Variants in PLEKHA7 observed in about 807,000 individuals in gnomAD.
PLEKHA7 encodes pleckstrin homology domain containing A7.
In PLEKHA7, 104 loss-of-function variants were observed where a neutral mutation model predicts 170.0. The observed-to-expected ratio is 0.61, with a 90% confidence interval of 0.52 to 0.72. PLEKHA7 has a LOEUF of 0.72. Among genes scored for constraint, PLEKHA7 ranks in the 30% least tolerant of loss-of-function variants. The pLI, the probability that PLEKHA7 is intolerant of heterozygous loss-of-function variation, is 0.00. For synonymous variants in PLEKHA7, 648 were observed against 660.8 expected, an observed-to-expected ratio of 0.98 and a Z score of 0.30; for missense variants, 1,615 against 1,671.7, an observed-to-expected ratio of 0.97 and a Z score of 0.59.
chr11:16,841,825 C>A lies in PLEKHA7; in HGVS notation c.697-103G>T, dbSNP rs1851989912. The A allele has an allele frequency of 2.6e-6, 3 of 1,145,062 alleles. No homozygotes were observed. The South Asian group carries it at 4.9e-5, about 19-fold the overall frequency. The allele number at this position is 1,145,062 out of a possible 1,614,324, so 70.9% of individuals were successfully genotyped here. A position where few individuals can be genotyped will look rare whatever the true frequency, so the allele number is the denominator to read the frequency against. ...CTATGGCCCTTCTAGTCTAAAAGCC[C>A]AAGCACCACCCAACTTGTTTCCACA... On this transcript the variant is annotated intron_variant, in intron 8 of 26. Coordinates refer to ENST00000531066, the MANE Select transcript of PLEKHA7 (RefSeq NM_001329630.2).
rs912560878 is a variant in PLEKHA7 at position 16,777,531 on chromosome 11, T to C, written c.*1467A>G. 8 of 152,174 alleles carry C rather than the reference T, an allele frequency of 5.3e-5. No individual in the cohort carries two copies. The highest frequency in any genetic ancestry group is 1.9e-4 in the African/African-American group (8 of 41,450). The allele number at this position is 152,174 out of a possible 1,614,324, so 9.4% of individuals were successfully genotyped here. A position where few individuals can be genotyped will look rare whatever the true frequency, so the allele number is the denominator to read the frequency against. On this transcript the variant is annotated 3_prime_UTR_variant, in exon 27 of 27. Coordinates refer to ENST00000531066, the MANE Select transcript of PLEKHA7 (RefSeq NM_001329630.2). ...AAAATTCTATTTTTTTTTCTGAGCA[T>C]AGTCAAAGAGAAATTTTCATTTAAA...
intron 3 of PLEKHA7, among the ~76,000 whole-genome samples, chr11:16,922,177 T>C (rs1055816794): frequency 6.6e-6 from 1 of 151,754 alleles, no homozygotes; most frequent in African/African-American, 2.4e-5. Flanking sequence ...ACAAAATACA[T>C]TCTTATTTTC....
Position 16,887,336 on chromosome 11 carries a change from C to G in PLEKHA7, c.222-16154G>C, listed in dbSNP as rs868240435. Among the ~76,000 whole-genome samples, 1,240 of 142,820 alleles carry G rather than the reference C, an allele frequency of 8.7e-3. 4 individuals are homozygous for G. Among genetic ancestry groups the G allele is most frequent in the African/African-American group, 0.016 (580 of 37,372 alleles). The allele number at this position is 142,820 out of a possible 152,430, so 93.7% of individuals were successfully genotyped here. A position where few individuals can be genotyped will look rare whatever the true frequency, so the allele number is the denominator to read the frequency against. The stretch of plus-strand genomic sequence containing the variant: ...CTCCCTCTCCCTCTCCCCACGGTCT[C>G]CCTCTCCCTCTCCCCACGGTCTGCC... On this transcript the variant is annotated intron_variant, in intron 3 of 26. Transcript: ENST00000531066.
intron 3 of PLEKHA7, among the ~76,000 whole-genome samples, chr11:16,891,491 C>A (rs1856609513): frequency 6.6e-6 from 1 of 152,214 alleles, no homozygotes; most frequent in African/African-American, 2.4e-5. Context: ...GAATACATTT[C>A]TGTTGTTTTA....
In PLEKHA7 at chr11:17,014,009, C is replaced by G. The variant is rs1286746100; in HGVS notation, c.201G>C (p.Glu67Asp). The G allele has an allele frequency of 2.2e-5, 34 of 1,547,960 alleles. No individual in the cohort carries two copies. Among genetic ancestry groups the G allele is most frequent in the African/African-American group, 2.7e-5 (2 of 72,732 alleles). Reference protein sequence around the residue: ...PRGWEEGFTEEGASYFIDHNQ... With the variant: ...PRGWEEGFTEDGASYFIDHNQ... ...CTCACTCGATGAAGTAGCTGGCGCC[C>G]TCCTCCGTGAAGCCCTCCTCCCAGC... The change falls in exon 3 of 27, where the codon GAG becomes GAC. Residue 67 changes from glutamate to aspartate, a missense_variant. Glu to Asp is a conservative substitution (Grantham distance 45). Coordinates refer to ENST00000531066, the MANE Select transcript of PLEKHA7 (RefSeq NM_001329630.2).
At chr11:16,822,435 A>G (rs1016460031) in intron 10 of PLEKHA7, among the ~76,000 whole-genome samples, 13 of 145,462 alleles carry the variant, frequency 8.9e-5, no homozygotes, top group Non-Finnish European at 1.5e-4. Flanking sequence ...GAGGTTCTGG[A>G]CTTTCCTTCA....
At chr11:16,841,258 T>C (rs1851934333) in intron 9 of PLEKHA7, among the ~76,000 whole-genome samples, 1 of 152,136 alleles carries the variant, frequency 6.6e-6, no homozygotes, top group Non-Finnish European at 1.5e-5. Flanking sequence ...TGCAAGACCT[T>C]TCTTGCCTGT....
intron 3 of PLEKHA7, among the ~76,000 whole-genome samples, chr11:16,955,010 T>A (rs911669917): frequency 5.9e-5 from 9 of 152,194 alleles, no homozygotes; most frequent in African/African-American, 2.2e-4. Context: ...TTTTCACATA[T>A]ACTGTTTCAT....
At chr11:16,804,824 C>A (rs1217132724) in intron 13 of PLEKHA7, among the ~76,000 whole-genome samples, 1 of 152,182 alleles carries the variant, frequency 6.6e-6, no homozygotes, top group Non-Finnish European at 1.5e-5. Flanking sequence ...CACGTATACA[C>A]ACAGTTGCAG....
At chr11:16,949,760 A>G (rs919872376) in intron 3 of PLEKHA7, among the ~76,000 whole-genome samples, 1 of 152,134 alleles carries the variant, frequency 6.6e-6, no homozygotes, top group South Asian at 2.1e-4. Flanking sequence ...ACCAATGTAA[A>G]CCAAGGCACG....
At chr11:16,905,967 T>TGGAGTGAGGGACAG (rs1197929932) in intron 3 of PLEKHA7, among the ~76,000 whole-genome samples, 7 of 151,310 alleles carry the variant, frequency 4.6e-5, no homozygotes. Flanking sequence ...ATAGCAGCCC[T>TGGAGTGAGGGACAG]CTAGGGCCCT....
chr11:16,968,622 C>T (rs1218265836), intron 3 of PLEKHA7, among the ~76,000 whole-genome samples: 1 of 152,168 alleles, frequency 6.6e-6, no homozygotes, highest in Non-Finnish European at 1.5e-5. Context: ...GTGTTTCTTG[C>T]TTACAATGGA....
rs111659094 is a variant in PLEKHA7 at position 16,898,928 on chromosome 11, TCACTGAAAAA to T, written c.222-27756_222-27747del. Among the ~76,000 whole-genome samples the T allele has an allele frequency of 1.9e-3, 287 of 152,282 alleles. 3 individuals carry two copies. The highest frequency in any genetic ancestry group is 6.5e-3 in the African/African-American group (272 of 41,568). ...GACTTTCATGGGGAAAACTATGGCT[TCACTGAAAAA>T]CATTTTTAAAGGCCTAAATGAGAGC... is the stretch of plus-strand genomic sequence containing the variant. On this transcript the variant is annotated intron_variant, in intron 3 of 26. Coordinates refer to ENST00000531066, the MANE Select transcript of PLEKHA7 (RefSeq NM_001329630.2).
chr11:16,784,275 C>G (rs577054487), intron 24 of PLEKHA7, among the ~76,000 whole-genome samples: 29 of 152,202 alleles, frequency 1.9e-4, no homozygotes, highest in Non-Finnish European at 2.4e-4. Context: ...TTTTCAACCT[C>G]ACTTTGAGGA....
intron 1 of PLEKHA7, 46 bp downstream of exon 1, chr11:17,014,270 C>T: frequency 1.4e-6 from 2 of 1,400,472 alleles, no homozygotes. Flanking sequence ...CCCCCGCCCC[C>T]GCGCCCCCAC....
At chr11:16,879,914 G>A (rs190348434) in intron 3 of PLEKHA7, among the ~76,000 whole-genome samples, 2,366 of 152,248 alleles carry the variant, frequency 0.016, 61 homozygotes, top group African/African-American at 0.054. Context: ...AAGACTGTCT[G>A]GCCCCTGAGT....
chr11:16,892,615 GCTT>G (rs1195324373), intron 3 of PLEKHA7, among the ~76,000 whole-genome samples: 3 of 97,952 alleles, frequency 3.1e-5, no homozygotes, highest in Admixed American at 1.1e-4. Flanking sequence ...CCAGCTTCCA[GCTT>G]CTTTTTTTTT....
intron 3 of PLEKHA7, among the ~76,000 whole-genome samples, chr11:16,871,451 G>A (rs1854840942): frequency 6.6e-6 from 1 of 152,112 alleles, no homozygotes; most frequent in African/African-American, 2.4e-5. Context: ...CTGCATCTTG[G>A]AGAGACATTC....
intron 4 of PLEKHA7, among the ~76,000 whole-genome samples, chr11:16,858,729 T>G (rs1416085272): frequency 1.3e-5 from 2 of 152,140 alleles, no homozygotes; most frequent in African/African-American, 2.4e-5. Flanking sequence ...TGACCTCAAG[T>G]GATCCACCTG....
Sources: allele counts gnomAD v4.1 joint callset (sites outside exome capture counted in the v4.1 genomes callset), GRCh38; gene constraint gnomAD v4.1.1; transcripts MANE v1.5; gene names NCBI Gene and HGNC (gene_info 2026-07-23, HGNC 2026-07-21).